LY6G6D: variants seen among roughly 807,000 people sequenced by gnomAD.
LY6G6D encodes lymphocyte antigen 6 complex locus protein G6d.
Under a neutral mutation model 8.5 loss-of-function variants are expected in LY6G6D, and 5 were observed. The ratio of observed to expected loss-of-function variants is 0.59; its 90% CI spans 0.31 to 1.24. LY6G6D has a LOEUF of 1.24. Among genes scored for constraint, LY6G6D ranks in the 50% most tolerant of loss-of-function variants. The pLI, the probability that LY6G6D is intolerant of heterozygous loss-of-function variation, is 0.07. For missense variants in LY6G6D, 154 were observed against 170.4 expected (o/e 0.90, Z 0.53); for synonymous variants, 65 against 69.6 (o/e 0.93, Z 0.33).
rs1417792866 is a variant in LY6G6D at position 31,715,603 on chromosome 6, C to G, written c.157C>G (p.Gln53Glu). Residue 53 changes from glutamine to glutamate, a missense_variant, in exon 2 of 3, where the codon CAG becomes GAG. Gln to Glu is a conservative substitution (Grantham distance 29). Coordinates refer to ENST00000375825, the MANE Select transcript of LY6G6D (RefSeq NM_021246.4). ...GEGRPQPGLEQIKLPGNPPVT... is the reference protein window; with the variant it reads ...GEGRPQPGLEEIKLPGNPPVT... ...GGGCAGACCCCAGCCAGGCCTGGAA[C>G]AGATCAAGCTACCTGGAAACCGTGA... is the stretch of plus-strand genomic sequence containing the variant. 3.7e-6 allele frequency: 6 copies of G among 1,612,944 alleles called. No individual in the cohort carries two copies. Among genetic ancestry groups the G allele is most frequent in the Non-Finnish European group, 5.1e-6 (6 of 1,180,012 alleles).
intron 2 of LY6G6D, among the ~76,000 whole-genome samples, chr6:31,715,950 GGT>G (rs3138769): frequency 0.24 from 34,588 of 146,762 alleles, 4,380 homozygotes; most frequent in Middle Eastern, 0.33. Flanking sequence ...ACCAGGGAGG[GGT>G]GTGTGTGTGT....
At chr6:31,715,457 G>A (rs746237251) in intron 1 of LY6G6D, 45 bp from the exon 2 acceptor site, 6 of 1,606,466 alleles carry the variant, frequency 3.7e-6, no homozygotes, top group East Asian at 4.5e-5. Context: ...TCTGCCAGCC[G>A]GCTCCACCGA....
In LY6G6D at chr6:31,715,513, C is replaced by T. The variant is rs764850579; in HGVS notation, c.67C>T (p.Arg23Trp). 107 of 1,612,610 alleles carry T rather than the reference C, an allele frequency of 6.6e-5. No homozygotes were observed. Among genetic ancestry groups the T allele is most frequent in the Non-Finnish European group, 8.6e-5 (102 of 1,179,806 alleles). The change falls in exon 2 of 3, where the codon CGG (arginine) becomes TGG (tryptophan). Residue 23 changes from arginine to tryptophan, a missense_variant. By Grantham distance (101) the Arg-to-Trp change is moderately radical (BLOSUM62 -3). Coordinates refer to ENST00000375825, the MANE Select transcript of LY6G6D (RefSeq NM_021246.4). Reference protein sequence around the residue: ...LLGAALGNRMRCYNCGGSPSS... With the variant: ...LLGAALGNRMWCYNCGGSPSS... Reference sequence around the variant, plus strand: ...TTTTCTCCTGCCAGGAAACCGAATGCGGTGCTACAACTGTGGTGGAAGCCC... The same window carrying T: ...TTTTCTCCTGCCAGGAAACCGAATGTGGTGCTACAACTGTGGTGGAAGCCC...
rs945592238 is a variant in LY6G6D, at chr6:31,716,473, T to C, written c.178+849T>C. On this transcript the variant is annotated intron_variant, in intron 2 of 2. Transcript: ENST00000375825. The surrounding 1 kb of genome is among the most constrained non-coding windows in gnomAD (Gnocchi z 5.1). Reference sequence around the variant, plus strand: ...CAAACAGATTAAAAAATTAGTTGGGTGTGGTGGCACATGCTTGTAGTCCTA... The same window carrying C: ...CAAACAGATTAAAAAATTAGTTGGGCGTGGTGGCACATGCTTGTAGTCCTA... 6.6e-6 allele frequency among the ~76,000 whole-genome samples: 1 copy of C among 151,758 alleles called. No individual in the cohort carries two copies. The highest frequency in any genetic ancestry group is 1.5e-5 in the Non-Finnish European group (1 of 67,962).
chr6:31,717,915 C>T lies in LY6G6D; in HGVS notation c.*111C>T. On this transcript the variant is annotated 3_prime_UTR_variant, in exon 3 of 3. Transcript: ENST00000375825. This position sits in a 1 kb window ranked among gnomAD's most constrained non-coding sequence, Gnocchi z 5.0. ...GTGAGTCATTAAAATCTATGAACCACTCTACAGCTGACTGGAAAATTACAT... is the reference window on the plus strand; with the variant it reads ...GTGAGTCATTAAAATCTATGAACCATTCTACAGCTGACTGGAAAATTACAT... The T allele has an allele frequency of 6.9e-7, 1 of 1,457,238 alleles. No homozygotes were observed. The highest frequency in any genetic ancestry group is 9.0e-7 in the Non-Finnish European group (1 of 1,109,682). 90.3% of individuals were successfully genotyped at this position (1,457,238 alleles called of 1,614,324 possible).
Position 31,717,403 on chromosome 6 carries a change from T to G in LY6G6D, c.179-178T>G. On this transcript the variant is annotated intron_variant, in intron 2 of 2. Transcript: ENST00000375825. The surrounding 1 kb of genome is among the most constrained non-coding windows in gnomAD (Gnocchi z 5.0). ...AGAAGTGATGTTGCATCCTTCTTGC[T>G]GCATCACATCAGGAGTTTACAAGGT... 1 of 1,500,446 alleles carries G rather than the reference T, an allele frequency of 6.7e-7. No individual in the cohort carries two copies. Among genetic ancestry groups the G allele is most frequent in the Non-Finnish European group, 9.0e-7 (1 of 1,108,956 alleles). 92.9% of individuals were successfully genotyped at this position (1,500,446 alleles called of 1,614,324 possible). A position where few individuals can be genotyped will look rare whatever the true frequency, so the allele number is the denominator to read the frequency against.
In LY6G6D at chr6:31,715,465, C is replaced by T. The variant is rs17207391; in HGVS notation, c.56-37C>T. ...CAGGCCTTCTGCCAGCCGGCTCCAC[C>T]GAGGGCCCAGGTCCAGCGCCTCTTT... On this transcript the variant is annotated intron_variant, in intron 1 of 2. Transcript: ENST00000375825. 6.7e-3 allele frequency: 10,689 copies of T among 1,607,252 alleles called. 502 individuals are homozygous for T. In the South Asian group the frequency reaches 0.086, roughly 13 times the overall value.
chr6:31,715,962 TG>T (rs1735306295), intron 2 of LY6G6D, among the ~76,000 whole-genome samples: 2 of 151,532 alleles, frequency 1.3e-5, no homozygotes, highest in Non-Finnish European at 2.9e-5. Context: ...TGTGTGTGTG[TG>T]TGTGTGTGTG....
At position 31,717,421 on chromosome 6, in the gene LY6G6D, T is replaced by G. The variant is rs993309932; in HGVS notation, c.179-160T>G. On this transcript the variant is annotated intron_variant, in intron 2 of 2. Transcript: ENST00000375825. This position sits in a 1 kb window ranked among gnomAD's most constrained non-coding sequence, Gnocchi z 5.0. ...TTCTTGCTGCATCACATCAGGAGTT[T>G]ACAAGGTCAATGCATTAACTTTGAT... The G allele has an allele frequency of 3.8e-6, 6 of 1,567,842 alleles. No homozygotes were observed. The African/African-American group carries it at 6.8e-5, about 18-fold the overall frequency.
rs1319128238 is a variant in LY6G6D at position 31,717,539 on chromosome 6, G to A, written c.179-42G>A. On this transcript the variant is annotated intron_variant, in intron 2 of 2. Coordinates refer to ENST00000375825, the MANE Select transcript of LY6G6D (RefSeq NM_021246.4). This position sits in a 1 kb window ranked among gnomAD's most constrained non-coding sequence, Gnocchi z 5.0. ...TGCTCTGCCCCAGAAGGCAAGTCCTGAAGCCAGGAGTCCAACACCCCAGTT... is the reference window on the plus strand; with the variant it reads ...TGCTCTGCCCCAGAAGGCAAGTCCTAAAGCCAGGAGTCCAACACCCCAGTT... 7 of 1,614,036 alleles carry A rather than the reference G, an allele frequency of 4.3e-6. No homozygotes were observed. The highest frequency in any genetic ancestry group is 4.0e-5 in the African/African-American group (3 of 74,926).
Position 31,717,648 on chromosome 6 carries a change from A to G in LY6G6D, c.246A>G (p.Thr82=), listed in dbSNP as rs772808560. The change falls in exon 3 of 3, where the codon ACA becomes ACG. Residue 82 remains threonine (T), a synonymous_variant. Transcript: ENST00000375825. The surrounding 1 kb of genome is among the most constrained non-coding windows in gnomAD (Gnocchi z 5.0). ...VAAHHCNQVE[T]ESVGDVTYPA... The stretch of plus-strand genomic sequence containing the variant: ...CCCATCATTGCAATCAAGTGGAGAC[A>G]GAGTCGGTGGGAGACGTGACTTATC... The G allele has an allele frequency of 6.2e-7, 1 of 1,614,206 alleles. No individual in the cohort carries two copies. The highest frequency in any genetic ancestry group is 1.1e-5 in the South Asian group (1 of 91,084).
Position 31,717,574 on chromosome 6 carries a change from C to G in LY6G6D, c.179-7C>G. Reference sequence around the variant, plus strand: ...GTCCAACACCCCAGTTTCATTCTCTCTCTCAGCCCCAGTGACCTTGATTCA... The same window carrying G: ...GTCCAACACCCCAGTTTCATTCTCTGTCTCAGCCCCAGTGACCTTGATTCA... On this transcript the variant is annotated splice_region_variant and splice_polypyrimidine_tract_variant and intron_variant, in intron 2 of 2. Transcript: ENST00000375825. This position sits in a 1 kb window ranked among gnomAD's most constrained non-coding sequence, Gnocchi z 5.0. The G allele has an allele frequency of 6.2e-7, 1 of 1,614,234 alleles. No individual in the cohort carries two copies.
rs1806453918 is a variant in LY6G6D at position 31,716,645 on chromosome 6, G to A, written c.179-936G>A. 6.6e-6 allele frequency among the ~76,000 whole-genome samples: 1 copy of A among 151,678 alleles called. No homozygotes were observed. Among genetic ancestry groups the A allele is most frequent in the African/African-American group, 2.4e-5 (1 of 41,216 alleles). ...ATAATAATAATAATTTTTAGGCTAG[G>A]CTTGGTGGCACACACTTGTAATCCC... On this transcript the variant is annotated intron_variant, in intron 2 of 2. Coordinates refer to ENST00000375825, the MANE Select transcript of LY6G6D (RefSeq NM_021246.4). This position sits in a 1 kb window ranked among gnomAD's most constrained non-coding sequence, Gnocchi z 5.1.
At position 31,716,948 on chromosome 6, in the gene LY6G6D, T is replaced by A. The variant is rs1806474211; in HGVS notation, c.179-633T>A. Among the ~76,000 whole-genome samples the A allele has an allele frequency of 6.6e-6, 1 of 151,750 alleles. No homozygotes were observed. The highest frequency in any genetic ancestry group is 1.5e-5 in the Non-Finnish European group (1 of 67,948). ...TCTCTAAAATTAAATAAAATCATTT[T>A]TAGATTAAACAAAAATTACGTGCCG... On this transcript the variant is annotated intron_variant, in intron 2 of 2. Transcript: ENST00000375825. The surrounding 1 kb of genome is among the most constrained non-coding windows in gnomAD (Gnocchi z 5.1).
At position 31,716,807 on chromosome 6, in the gene LY6G6D, A is replaced by C. The variant is rs1272294755; in HGVS notation, c.179-774A>C. ...CCAGGCATAGTGGCACACACCTGTA[A>C]TCTCAGTTTCCTGAGAGGCTGAGGC... On this transcript the variant is annotated intron_variant, in intron 2 of 2. Transcript: ENST00000375825. This position sits in a 1 kb window ranked among gnomAD's most constrained non-coding sequence, Gnocchi z 5.1. Among the ~76,000 whole-genome samples the C allele has an allele frequency of 6.6e-6, 1 of 151,968 alleles. No individual in the cohort carries two copies. The highest frequency in any genetic ancestry group is 6.6e-5 in the Admixed American group (1 of 15,236).
chr6:31,715,831 C>T (rs1806391503), intron 2 of LY6G6D, among the ~76,000 whole-genome samples: 1 of 152,124 alleles, frequency 6.6e-6, no homozygotes, highest in African/African-American at 2.4e-5. Context: ...TCCCCACCTC[C>T]TTATTCTCCT....
rs1806467723 is a variant in LY6G6D, at chr6:31,716,845, TGAGCCCAG to T, written c.179-732_179-725del. ...GAGAGGCTGAGGCAGGAGGATTACT[TGAGCCCAG>T]GAGTTTGAGGCTATAGGGAGGTATG... On this transcript the variant is annotated intron_variant, in intron 2 of 2. Coordinates refer to ENST00000375825, the MANE Select transcript of LY6G6D (RefSeq NM_021246.4). This position sits in a 1 kb window ranked among gnomAD's most constrained non-coding sequence, Gnocchi z 5.1. 6.6e-6 allele frequency among the ~76,000 whole-genome samples: 1 copy of T among 152,138 alleles called. No homozygotes were observed. The highest frequency in any genetic ancestry group is 2.1e-4 in the South Asian group (1 of 4,828).
In LY6G6D at chr6:31,717,805, G is replaced by A. The variant is rs757074515; in HGVS notation, c.*1G>A. The A allele has an allele frequency of 6.2e-7, 1 of 1,608,430 alleles. No homozygotes were observed. The highest frequency in any genetic ancestry group is 1.3e-5 in the African/African-American group (1 of 74,862). On this transcript the variant is annotated 3_prime_UTR_variant, in exon 3 of 3. Coordinates refer to ENST00000375825, the MANE Select transcript of LY6G6D (RefSeq NM_021246.4). The surrounding 1 kb of genome is among the most constrained non-coding windows in gnomAD (Gnocchi z 5.0). ...CTTGCCAGGACTGTGGAGCGGATAG[G>A]GGGAGTAGGAGTAGAGAAGGGAACA... is the stretch of plus-strand genomic sequence containing the variant.
Position 31,715,515 on chromosome 6 carries a change from G to C in LY6G6D, c.69G>C (p.Arg23=), listed in dbSNP as rs762442817. 2.5e-6 allele frequency: 4 copies of C among 1,612,998 alleles called. No homozygotes were observed. Among genetic ancestry groups the C allele is most frequent in the Non-Finnish European group, 8.5e-7 (1 of 1,179,976 alleles). The change falls in exon 2 of 3, where the codon CGG becomes CGC. Residue 23 remains arginine, a synonymous_variant. Coordinates refer to ENST00000375825, the MANE Select transcript of LY6G6D (RefSeq NM_021246.4). The part of the protein sequence containing the change: ...LLGAALGNRM[R]CYNCGGSPSS... ...TTCTCCTGCCAGGAAACCGAATGCG[G>C]TGCTACAACTGTGGTGGAAGCCCCA...
Sources: allele counts gnomAD v4.1 joint callset (sites outside exome capture counted in the v4.1 genomes callset), GRCh38; gene constraint gnomAD v4.1.1; non-coding constraint Gnocchi (gnomAD v3.1); transcripts MANE v1.5; gene names NCBI Gene and HGNC (gene_info 2026-07-23, HGNC 2026-07-21).